ACACA: variants seen among roughly 807,000 people sequenced by gnomAD.
The protein encoded by ACACA is acetyl-CoA carboxylase 1.
A neutral mutation model predicts 296.1 loss-of-function variants in ACACA; 103 were observed. The observed-to-expected ratio is 0.35, with a 90% confidence interval of 0.30 to 0.41. The LOEUF (loss-of-function observed/expected upper bound fraction) is 0.41. Among genes scored for constraint, ACACA ranks in the 10% least tolerant of loss-of-function variants. The probability of loss-of-function intolerance (pLI) is 1.00; values close to 1 mark genes in which losing one functional copy is unlikely to be tolerated. For synonymous variants in ACACA, 953 were observed against 1,038.6 expected (o/e 0.92, Z 1.58); for missense variants, 1,554 against 2,989.7 (o/e 0.52, Z 11.20).
intron 54 of ACACA, among the ~76,000 whole-genome samples, chr17:37,094,301 A>G (rs2072834144): frequency 6.6e-6 from 1 of 152,216 alleles, no homozygotes; most frequent in Non-Finnish European, 1.5e-5. Context: ...AAAGAATTAT[A>G]GTGCTCAGTT....
intron 3 of ACACA, among the ~76,000 whole-genome samples, chr17:37,313,780 T>C (rs1205052694): frequency 6.6e-6 from 1 of 152,208 alleles, no homozygotes; most frequent in Non-Finnish European, 1.5e-5. Flanking sequence ...ACAACCACTA[T>C]GGAGAACAGT....
chr17:37,235,164 T>C, intron 24 of ACACA, 65 bp from the exon 25 acceptor site: 1 of 1,583,796 alleles, frequency 6.3e-7, no homozygotes, highest in Non-Finnish European at 8.6e-7. Context: ...ATGCTATTTG[T>C]TTTGTACTGT....
chr17:37,118,980 G>A (rs1259670893), intron 50 of ACACA, among the ~76,000 whole-genome samples: 4 of 152,108 alleles, frequency 2.6e-5, no homozygotes, highest in Non-Finnish European at 5.9e-5. Flanking sequence ...CTGAACTCCC[G>A]TTAGGATAAA....
intron 37 of ACACA, 22 bp downstream of exon 37, chr17:37,192,068 C>T (rs757022220): frequency 1.2e-6 from 2 of 1,610,054 alleles, no homozygotes; most frequent in Middle Eastern, 1.7e-4. Flanking sequence ...GGGATAACAT[C>T]CCATTAAAGT....
At chr17:37,402,276 CAGG>C (rs2051317653) in intron 1 of ACACA, among the ~76,000 whole-genome samples, 1 of 151,924 alleles carries the variant, frequency 6.6e-6, no homozygotes. Context: ...ATTGGGGGGT[CAGG>C]AGAAGTGTTC....
At chr17:37,333,589 A>G (rs1030470528) in intron 2 of ACACA, among the ~76,000 whole-genome samples, 5 of 152,000 alleles carry the variant, frequency 3.3e-5, no homozygotes. Flanking sequence ...TTTTGCCTGC[A>G]GCTAACCAAT....
At chr17:37,174,009 TATATATATATA>T (rs1475247073) in intron 41 of ACACA, among the ~76,000 whole-genome samples, 153 of 15,030 alleles carry the variant, frequency 0.01, 5 homozygotes, top group East Asian at 0.097. Context: ...TATATATATA[TATATATATATA>T]TTTTTTTTTT....
At chr17:37,175,153 C>A (rs1044195988) in intron 41 of ACACA, among the ~76,000 whole-genome samples, 5 of 152,146 alleles carry the variant, frequency 3.3e-5, no homozygotes, top group Non-Finnish European at 5.9e-5. Flanking sequence ...GATTACTGGT[C>A]TAGTTCGCAG....
chr17:37,316,756 G>A (rs188701611), intron 3 of ACACA, among the ~76,000 whole-genome samples: 5 of 152,222 alleles, frequency 3.3e-5, no homozygotes, highest in Admixed American at 3.3e-4. Context: ...CATATTTACT[G>A]CAGCACTATT....
At position 37,289,373 on chromosome 17, in the gene ACACA, T is replaced by C. The variant is rs1413453564; in HGVS notation, c.339-4403A>G. ...GCTTTTAAAGAACTGTTACTAATGGTATTGAAAGGTAACACAGAGAATAAG... is the reference window on the plus strand; with the variant it reads ...GCTTTTAAAGAACTGTTACTAATGGCATTGAAAGGTAACACAGAGAATAAG... On this transcript the variant is annotated intron_variant, in intron 3 of 55. Transcript: ENST00000616317. 2.9e-6 allele frequency: 3 copies of C among 1,037,066 alleles called. No individual in the cohort carries two copies. The African/African-American group carries it at 4.9e-5, about 17-fold the overall frequency. 64.2% of individuals were successfully genotyped at this position (1,037,066 alleles called of 1,614,324 possible). A position where few individuals can be genotyped will look rare whatever the true frequency, so the allele number is the denominator to read the frequency against.
chr17:37,224,560 T>C (rs1223024336), intron 27 of ACACA, among the ~76,000 whole-genome samples: 1 of 152,142 alleles, frequency 6.6e-6, no homozygotes, highest in African/African-American at 2.4e-5. Flanking sequence ...TAAAATTAAA[T>C]GATACTTAAA....
At chr17:37,284,576 G>A (rs986456514) in intron 4 of ACACA, among the ~76,000 whole-genome samples, 1 of 152,144 alleles carries the variant, frequency 6.6e-6, no homozygotes, top group South Asian at 2.1e-4. Flanking sequence ...CCAAGTTGCT[G>A]GGACTCAAAA....
chr17:37,310,426 G>A (rs2084075806), intron 3 of ACACA, among the ~76,000 whole-genome samples: 2 of 152,120 alleles, frequency 1.3e-5, no homozygotes, highest in African/African-American at 4.8e-5. Flanking sequence ...GATCTCAGAG[G>A]ATAGGTCTGG....
At chr17:37,186,939 A>T (rs1358709121) in intron 39 of ACACA, among the ~76,000 whole-genome samples, 8 of 152,138 alleles carry the variant, frequency 5.3e-5, no homozygotes, top group African/African-American at 1.4e-4. Context: ...GAACAAACAT[A>T]TTTATCAAAA....
intron 1 of ACACA, among the ~76,000 whole-genome samples, chr17:37,358,167 T>C (rs1267484294): frequency 2.6e-5 from 4 of 152,194 alleles, no homozygotes; most frequent in East Asian, 1.9e-4. Context: ...AATGTCTCTA[T>C]AGAACCCACA....
At chr17:37,251,651 T>A (rs757150402) in intron 16 of ACACA, among the ~76,000 whole-genome samples, 3 of 152,188 alleles carry the variant, frequency 2.0e-5, no homozygotes, top group Non-Finnish European at 4.4e-5. Flanking sequence ...AAGTAATACA[T>A]GAAATATTTA....
intron 41 of ACACA, 149 bp from the exon 42 acceptor site, chr17:37,162,199 A>G: frequency 1.2e-6 from 1 of 820,792 alleles, no homozygotes; most frequent in Non-Finnish European, 2.0e-6. Context: ...GGGAAACTAC[A>G]AAAGACATTC....
chr17:37,221,690 GC>G (rs759920128), intron 29 of ACACA, 33 bp downstream of exon 29: 2 of 1,509,174 alleles, frequency 1.3e-6, no homozygotes, highest in Non-Finnish European at 1.8e-6. Flanking sequence ...TATACCTCTG[GC>G]TGGCTCGGGT....
intron 1 of ACACA, chr17:37,379,016 G>A: frequency 8.2e-7 from 1 of 1,220,352 alleles, no homozygotes; most frequent in East Asian, 2.6e-5. Flanking sequence ...AGGCTGGAGT[G>A]AGCCATGATT....
Sources: gnomAD v4.1 joint callset for allele counts (sites outside exome capture counted in the v4.1 genomes callset) on GRCh38, gnomAD v4.1.1 for gene constraint, MANE v1.5 for transcripts, NCBI Gene and HGNC (gene_info 2026-07-23, HGNC 2026-07-21) for gene names.